Variants in TUBGCP5 observed in about 807,000 individuals in gnomAD.
TUBGCP5 encodes tubulin gamma complex component 5.
Under a neutral mutation model 134.7 loss-of-function variants are expected in TUBGCP5, and 98 were observed. The ratio of observed to expected loss-of-function variants is 0.73; its 90% CI spans 0.62 to 0.86. TUBGCP5 has a LOEUF of 0.86. Among genes scored for constraint, TUBGCP5 ranks in the 40% least tolerant of loss-of-function variants. TUBGCP5 has a pLI of 0.00. For missense variants in TUBGCP5, 1,150 were observed against 1,244.8 expected (o/e 0.92, Z 1.15); for synonymous variants, 456 against 431.4 (o/e 1.06, Z -0.71).
chr15:23,001,262 C>T (rs2064353877), intron 21 of TUBGCP5, among the ~76,000 whole-genome samples: 2 of 151,704 alleles, frequency 1.3e-5, no homozygotes, highest in African/African-American at 4.8e-5. Context: ...AGGCTGGTCT[C>T]GAACTCCTGA....
At chr15:23,000,277 A>C (rs2064294910) in intron 22 of TUBGCP5, 1 of 1,260,336 alleles carries the variant, frequency 7.9e-7, no homozygotes. Context: ...CAAAAACTAC[A>C]CGATAGTGAA....
In TUBGCP5 at chr15:23,000,631, T is replaced by C; in HGVS notation, c.2966A>G (p.Asn989Ser). 1 of 1,607,424 alleles carries C rather than the reference T, an allele frequency of 6.2e-7. No homozygotes were observed. ...AATGGTTACAAGAAACATATGGCAG[T>C]TTTTAAAATCAGATTCCATTTTCTC... is the stretch of plus-strand genomic sequence containing the variant. ...SIEKMESDFKNCHMFLVTILN... is the reference protein window; with the variant it reads ...SIEKMESDFKSCHMFLVTILN... Residue 989 changes from asparagine to serine, a missense_variant, in exon 22 of 23, where the codon AAC becomes AGC. By Grantham distance (46) the Asn-to-Ser change is conservative. Around this residue, in one of 2 missense-constraint regions of TUBGCP5, gnomAD observed 697 missense variants for 850.1 expected, o/e 0.82. Transcript: ENST00000615383.
At chr15:23,030,833 T>G in intron 6 of TUBGCP5, 52 bp downstream of exon 6, 2 of 1,595,414 alleles carry the variant, frequency 1.3e-6, no homozygotes, top group South Asian at 1.1e-5. Flanking sequence ...TTGCCTTTCC[T>G]TCTAGGGAAT....
At chr15:23,017,627 C>G (rs2065412518) in intron 13 of TUBGCP5, 146 bp downstream of exon 13, 3 of 762,034 alleles carry the variant, frequency 3.9e-6, no homozygotes, top group Non-Finnish European at 6.0e-6. Context: ...AGCATGGTTA[C>G]TAATTCAACC....
intron 13 of TUBGCP5, among the ~76,000 whole-genome samples, chr15:23,015,314 G>A (rs191424927): frequency 6.6e-6 from 1 of 151,480 alleles, no homozygotes; most frequent in Admixed American, 6.6e-5. Flanking sequence ...TCAAACTCCT[G>A]GCCTCAAGTA....
chr15:22,991,572 C>T (rs1315488882), intron 23 of TUBGCP5, among the ~76,000 whole-genome samples: 1 of 147,920 alleles, frequency 6.8e-6, no homozygotes, highest in Non-Finnish European at 1.5e-5. Context: ...TGTTGTGGCT[C>T]ACACGTGTTG....
At chr15:23,001,760 C>T (rs1225302102) in intron 21 of TUBGCP5, among the ~76,000 whole-genome samples, 1 of 151,794 alleles carries the variant, frequency 6.6e-6, no homozygotes, top group African/African-American at 2.4e-5. Flanking sequence ...GCCAAGCTTA[C>T]ACCTCCACAG....
intron 1 of TUBGCP5, among the ~76,000 whole-genome samples, chr15:23,037,862 T>G (rs1595919057): frequency 6.6e-6 from 1 of 152,286 alleles, no homozygotes; most frequent in Middle Eastern, 3.4e-3. Context: ...CCTCCTGGGT[T>G]CGCGCCATTC....
intron 23 of TUBGCP5, among the ~76,000 whole-genome samples, chr15:22,986,699 C>T (rs1369316514): frequency 6.6e-6 from 1 of 151,576 alleles, no homozygotes; most frequent in Non-Finnish European, 1.5e-5. Context: ...GATTGCGCCA[C>T]CGCACTCCAA....
chr15:23,019,602 T>C (rs1427586451), intron 11 of TUBGCP5, among the ~76,000 whole-genome samples: 1 of 150,546 alleles, frequency 6.6e-6, no homozygotes, highest in African/African-American at 2.4e-5. Context: ...ATCGAGACCA[T>C]CCTGGCCAAC....
rs535839506 is a variant in TUBGCP5, at chr15:22,985,733, G to T, written c.*62-2122C>A. ...CTATCAACAAACAGCTACTTGGGAGGCTGAGGCAGGAGAATCGCTTGAACC... is the reference window on the plus strand; with the variant it reads ...CTATCAACAAACAGCTACTTGGGAGTCTGAGGCAGGAGAATCGCTTGAACC... On this transcript the variant is annotated intron_variant and NMD_transcript_variant, in intron 23 of 23. Coordinates refer to the TUBGCP5 transcript ENST00000614508. Among the ~76,000 whole-genome samples the T allele has an allele frequency of 2.3e-3, 353 of 152,186 alleles. 4 individuals carry two copies. The highest frequency in any genetic ancestry group is 8.1e-3 in the African/African-American group (337 of 41,514).
intron 13 of TUBGCP5, among the ~76,000 whole-genome samples, chr15:23,016,973 T>C (rs980327635): frequency 7.1e-6 from 1 of 141,456 alleles, no homozygotes; most frequent in Non-Finnish European, 1.5e-5. Flanking sequence ...TTGTGAGATA[T>C]ATATATATAT....
Position 23,016,476 on chromosome 15 carries a change from G to A in TUBGCP5, c.1756+1297C>T, listed in dbSNP as rs188227439. The stretch of plus-strand genomic sequence containing the variant: ...ACCACTGCACTCCAGCCTGGGTGAT[G>A]GGAGTAAAACTCTGTCTCAGGAAAA... On this transcript the variant is annotated intron_variant, in intron 13 of 22. Transcript: ENST00000615383. Among the ~76,000 whole-genome samples, 506 of 150,230 alleles carry A rather than the reference G, an allele frequency of 3.4e-3. 4 individuals carry two copies. The highest frequency in any genetic ancestry group is 0.012 in the African/African-American group (481 of 40,708).
At chr15:23,008,487 G>A in intron 16 of TUBGCP5, 1 of 605,960 alleles carries the variant, frequency 1.7e-6, no homozygotes, top group Non-Finnish European at 2.9e-6. Context: ...TCGAACTCCT[G>A]ACCTCAGGTG....
chr15:23,032,882 G>A, intron 3 of TUBGCP5, 58 bp from the exon 4 acceptor site: 1 of 1,291,078 alleles, frequency 7.7e-7, no homozygotes, highest in African/African-American at 1.5e-5. Flanking sequence ...TTCTACACCA[G>A]ATTGAGTAAA....
At chr15:22,995,078 T>C (rs1207701721), downstream of TUBGCP5, among the ~76,000 whole-genome samples, 1 of 152,076 alleles carries the variant, frequency 6.6e-6, no homozygotes, top group African/African-American at 2.4e-5. Flanking sequence ...ACCCCATCTC[T>C]ATTAAAAATA....
chr15:22,995,857 C>T (rs2064049898), downstream of TUBGCP5, among the ~76,000 whole-genome samples: 1 of 152,212 alleles, frequency 6.6e-6, no homozygotes, highest in Non-Finnish European at 1.5e-5. Flanking sequence ...TTTACCAGTT[C>T]ATTAACTTCA....
Position 23,039,557 on chromosome 15 carries a change from G to C in TUBGCP5, c.-14C>G, listed in dbSNP as rs1174194482. On this transcript the variant is annotated 5_prime_UTR_variant, in exon 1 of 23. Transcript: ENST00000615383. ...GTGCCGCGCCATGTTCCGCGCTCCT[G>C]CAGCGCGCGTCTAACGAATTGGTGC... The C allele has an allele frequency of 1.4e-6, 2 of 1,402,128 alleles. No individual in the cohort carries two copies. The highest frequency in any genetic ancestry group is 3.0e-5 in the East Asian group (1 of 33,702). 86.9% of individuals were successfully genotyped at this position (1,402,128 alleles called of 1,614,324 possible). A position where few individuals can be genotyped will look rare whatever the true frequency, so the allele number is the denominator to read the frequency against.
Position 23,005,418 on chromosome 15 carries a change from GGA to G in TUBGCP5, c.2712+12_2712+13del, listed in dbSNP as rs761390521. The G allele has an allele frequency of 1.2e-6, 2 of 1,612,736 alleles. No individual in the cohort carries two copies. Among genetic ancestry groups the G allele is most frequent in the South Asian group, 2.2e-5 (2 of 90,918 alleles). ...TACGACGATAGAACTGAAGCAGATG[GGA>G]GAGGCACAAACCCTGGTCATGATGT... On this transcript the variant is annotated intron_variant, in intron 19 of 22. Coordinates refer to ENST00000615383, the MANE Select transcript of TUBGCP5 (RefSeq NM_052903.6).
Sources: gnomAD v4.1 joint callset for allele counts (sites outside exome capture counted in the v4.1 genomes callset) on GRCh38, gnomAD v4.1.1 for gene constraint, gnomAD v4.1.1 regional missense constraint, MANE v1.5 for transcripts, NCBI Gene and HGNC (gene_info 2026-07-23, HGNC 2026-07-21) for gene names.